The following PCDH15 variants were observed in gnomAD, a reference collection of about 807,000 sequenced individuals.
PCDH15 encodes the protein protocadherin related 15, also known as protocadherin-15.
PCDH15 carries 129 observed loss-of-function variants against 178.5 expected under a neutral mutation model. That is an observed-to-expected ratio of 0.72 (90% confidence interval 0.63 to 0.84). PCDH15 has a LOEUF of 0.84. PCDH15 is among the 40% of genes least tolerant of loss of function. The probability of loss-of-function intolerance (pLI) is 0.00; values close to 1 mark genes in which losing one functional copy is unlikely to be tolerated. For missense variants in PCDH15, 2,230 were observed against 2,099.9 expected (o/e 1.06, Z -1.21); for synonymous variants, 800 against 732.0 (o/e 1.09, Z -1.50).
chr10:54,444,748 A>T (rs2076041727), intron 3 of PCDH15, among the ~76,000 whole-genome samples: 1 of 151,656 alleles, frequency 6.6e-6, no homozygotes, highest in Admixed American at 6.6e-5. Flanking sequence ...TGAGCTTACT[A>T]TTTGCCAGTG....
intron 2 of PCDH15, among the ~76,000 whole-genome samples, chr10:54,617,776 A>G (rs1198648249): frequency 6.9e-6 from 1 of 145,444 alleles, no homozygotes; most frequent in Admixed American, 6.9e-5. Context: ...AAAAAAAAAA[A>G]TTAGTCAGGC....
intron 2 of PCDH15, among the ~76,000 whole-genome samples, chr10:55,423,569 G>C (rs1838677035): frequency 6.6e-6 from 1 of 151,956 alleles, no homozygotes; most frequent in Non-Finnish European, 1.5e-5. Flanking sequence ...AAGGTAAAAG[G>C]GGGGAAACTC....
At chr10:54,526,906 G>A (rs11004347) in intron 3 of PCDH15, among the ~76,000 whole-genome samples, 13,971 of 152,120 alleles carry the variant, frequency 0.092, 954 homozygotes, top group East Asian at 0.35. Context: ...ACATGTACGC[G>A]TGTAGATTGA....
intron 8 of PCDH15, among the ~76,000 whole-genome samples, chr10:54,294,372 G>A (rs2059614504): frequency 6.6e-6 from 1 of 152,074 alleles, no homozygotes; most frequent in Non-Finnish European, 1.5e-5. Context: ...TAAATGACGA[G>A]TTAATGGGTG....
intron 1 of PCDH15, among the ~76,000 whole-genome samples, chr10:55,306,446 C>G (rs2132283747): frequency 6.6e-6 from 1 of 152,188 alleles, no homozygotes; most frequent in Admixed American, 6.5e-5. Flanking sequence ...GGTAAGGACA[C>G]AAATCATGAA....
chr10:55,414,867 C>T (rs1184803231), intron 2 of PCDH15, among the ~76,000 whole-genome samples: 1 of 150,520 alleles, frequency 6.6e-6, no homozygotes, highest in Non-Finnish European at 1.5e-5. Flanking sequence ...ATGTTATCTG[C>T]AAATAAGGAT....
intron 2 of PCDH15, among the ~76,000 whole-genome samples, chr10:55,402,970 TGCCA>T (rs1347015419): frequency 2.0e-5 from 3 of 152,090 alleles, no homozygotes; most frequent in African/African-American, 7.2e-5. Flanking sequence ...TCCACATCCT[TGCCA>T]GCGTTTGTTA....
intron 15 of PCDH15, among the ~76,000 whole-genome samples, chr10:54,093,066 A>G (rs115334783): frequency 1.1e-3 from 155 of 145,800 alleles, no homozygotes; most frequent in African/African-American, 3.5e-3. Context: ...TCCTTTATGT[A>G]AGATGAGAAC....
intron 3 of PCDH15, among the ~76,000 whole-genome samples, chr10:54,876,852 A>C (rs2131801297): frequency 6.6e-6 from 1 of 152,312 alleles, no homozygotes; most frequent in Admixed American, 6.5e-5. Context: ...TATTACATGT[A>C]TTTAGTTGAT....
intron 2 of PCDH15, among the ~76,000 whole-genome samples, chr10:55,101,835 T>G (rs1733797): frequency 0.41 from 61,461 of 151,384 alleles, 15,492 homozygotes; most frequent in African/African-American, 0.72. Context: ...TAAGTGCATT[T>G]TCATCATCTT....
intron 2 of PCDH15, among the ~76,000 whole-genome samples, chr10:55,482,719 A>T (rs937889055): frequency 2.6e-5 from 4 of 151,724 alleles, no homozygotes; most frequent in African/African-American, 9.7e-5. Flanking sequence ...TTTGGAGGTA[A>T]CCTGGTCTTT....
chr10:54,179,440 G>T, intron 13 of PCDH15, among the ~76,000 whole-genome samples: 1 of 137,380 alleles, frequency 7.3e-6, no homozygotes, highest in Admixed American at 7.3e-5. Context: ...GAGGGGGCAG[G>T]GATAGCATTA....
At chr10:54,165,571 G>A (rs907507473) in intron 13 of PCDH15, among the ~76,000 whole-genome samples, 1 of 152,086 alleles carries the variant, frequency 6.6e-6, no homozygotes, top group South Asian at 2.1e-4. Context: ...ACTGGAAACT[G>A]GAACCTTAAG....
chr10:53,871,907 A>G (rs924012585), intron 26 of PCDH15, among the ~76,000 whole-genome samples: 1 of 151,910 alleles, frequency 6.6e-6, no homozygotes, highest in Non-Finnish European at 1.5e-5. Flanking sequence ...GCACTTTGGG[A>G]GGCTGAGGCG....
chr10:54,594,734 C>T (rs1590350228), intron 2 of PCDH15, among the ~76,000 whole-genome samples: 1 of 152,174 alleles, frequency 6.6e-6, no homozygotes, highest in Admixed American at 6.5e-5. Context: ...ATGTACCATG[C>T]CATGCCATGC....
intron 8 of PCDH15, among the ~76,000 whole-genome samples, chr10:54,285,204 A>G (rs560387408): frequency 1.3e-5 from 2 of 152,188 alleles, no homozygotes; most frequent in South Asian, 4.1e-4. Context: ...GTTTTTTTGG[A>G]TAAAAACTTA....
intron 2 of PCDH15, among the ~76,000 whole-genome samples, chr10:54,927,477 C>T (rs1008921329): frequency 1.1e-4 from 17 of 151,944 alleles, no homozygotes; most frequent in African/African-American, 3.4e-4. Context: ...GAGTTCAGGT[C>T]CTGAATATCT....
At chr10:54,507,451 T>G (rs117578143) in intron 3 of PCDH15, among the ~76,000 whole-genome samples, 4,892 of 151,948 alleles carry the variant, frequency 0.032, 112 homozygotes, top group Middle Eastern at 0.082. Context: ...AAAGGATGCA[T>G]TCCTTTTGAA....
Position 55,580,804 on chromosome 10 carries a change from A to G in PCDH15, c.-156+46821T>C, listed in dbSNP as rs964200556. On this transcript the variant is annotated intron_variant, in intron 2 of 5. Coordinates refer to the PCDH15 transcript ENST00000613346. ...AGCCGATGTTCTTCTATTCAGCATC[A>G]GACTGCATCTTCACAGGCTATTGTC... Among the ~76,000 whole-genome samples, 12 of 152,336 alleles carry G rather than the reference A, an allele frequency of 7.9e-5. No homozygotes were observed. The East Asian group carries it at 1.9e-3, about 24-fold the overall frequency.
Sources: allele counts gnomAD v4.1 joint callset (sites outside exome capture counted in the v4.1 genomes callset), GRCh38; gene constraint gnomAD v4.1.1; transcripts MANE v1.5; gene names NCBI Gene and HGNC (gene_info 2026-07-23, HGNC 2026-07-21).